Variants in RRP15 observed in about 807,000 individuals in gnomAD.
RRP15 encodes the protein ribosomal RNA processing 15 homolog.
In RRP15, 18 loss-of-function variants were observed where a neutral mutation model predicts 27.1. That is an observed-to-expected ratio of 0.66 (90% CI 0.46 to 0.98). RRP15 has a LOEUF of 0.98. Among genes scored for constraint, RRP15 ranks in the 50% least tolerant of loss-of-function variants. The pLI is 0.00. For synonymous variants in RRP15, 107 were observed against 109.4 expected (o/e 0.98, Z 0.14); for missense variants, 359 against 337.8 (o/e 1.06, Z -0.49).
At chr1:218,323,562 T>C (rs2102513734) in intron 4 of RRP15, among the ~76,000 whole-genome samples, 1 of 152,278 alleles carries the variant, frequency 6.6e-6, no homozygotes, top group South Asian at 2.1e-4. Context: ...GTCCCCAGGC[T>C]TCGGGCCCTC....
At chr1:218,285,543 T>C (rs917632283) in intron 1 of RRP15, 88 bp downstream of exon 1, 32 of 1,563,722 alleles carry the variant, frequency 2.0e-5, no homozygotes, top group African/African-American at 5.5e-5. Flanking sequence ...CATTTGCTGC[T>C]AGCCACCTGG....
At chr1:218,324,814 C>A (rs924680492) in intron 4 of RRP15, among the ~76,000 whole-genome samples, 1 of 151,998 alleles carries the variant, frequency 6.6e-6, no homozygotes, top group African/African-American at 2.4e-5. Context: ...TATATGTTTC[C>A]TTTCTATTTT....
At chr1:218,296,354 A>G (rs1655719316) in intron 1 of RRP15, among the ~76,000 whole-genome samples, 1 of 152,158 alleles carries the variant, frequency 6.6e-6, no homozygotes. Flanking sequence ...AAAGCAACTC[A>G]TAGAAATGTT....
At chr1:218,291,423 T>C (rs1016038336) in intron 1 of RRP15, among the ~76,000 whole-genome samples, 2 of 150,950 alleles carry the variant, frequency 1.3e-5, no homozygotes, top group African/African-American at 4.9e-5. Context: ...CCAGCCTGGC[T>C]GACAGAGTGA....
At chr1:218,291,289 C>G (rs891659946) in intron 1 of RRP15, among the ~76,000 whole-genome samples, 1 of 151,274 alleles carries the variant, frequency 6.6e-6, no homozygotes, top group African/African-American at 2.4e-5. Context: ...AAAAAATATA[C>G]AAAAAATTAG....
chr1:218,307,414 C>A lies in RRP15; in HGVS notation c.504-17C>A. The A allele has an allele frequency of 3.1e-6, 5 of 1,596,764 alleles. No individual in the cohort carries two copies. The South Asian group carries it at 5.6e-5, about 18-fold the overall frequency. On this transcript the variant is annotated splice_polypyrimidine_tract_variant and intron_variant, in intron 3 of 4. Coordinates refer to ENST00000366932, the MANE Select transcript of RRP15 (RefSeq NM_016052.4). ...TAATTATTTAATACATCATTCTGGT[C>A]ATTTTATATTCTACAGGGGTGTGGT...
rs1162115067 is a variant in RRP15 at position 218,291,496 on chromosome 1, GA to G, written c.139+6051del. Among the ~76,000 whole-genome samples the G allele has an allele frequency of 4.5e-3, 523 of 115,578 alleles. 2 individuals are homozygous for G. The highest frequency in any genetic ancestry group is 0.016 in the African/African-American group (496 of 31,888). 75.8% of individuals were successfully genotyped at this position (115,578 alleles called of 152,430 possible). ...CAAAACTCTGAGATTAAAGAAAAAG[GA>G]AAAAAAAAAGAAAGAAATCATTGAA... is the stretch of plus-strand genomic sequence containing the variant. On this transcript the variant is annotated intron_variant, in intron 1 of 4. Coordinates refer to ENST00000366932, the MANE Select transcript of RRP15 (RefSeq NM_016052.4).
rs1360241901 is a variant in RRP15 at position 218,333,952 on chromosome 1, C to T, written c.*2861C>T. 15 of 151,976 alleles carry T rather than the reference C, an allele frequency of 9.9e-5. No homozygotes were observed. 9.4% of individuals were successfully genotyped at this position (151,976 alleles called of 1,614,324 possible). A position where few individuals can be genotyped will look rare whatever the true frequency, so the allele number is the denominator to read the frequency against. ...AGAAAGAACTATGGAAAATAGGAACCAATAATTTGGAAGTATTATTTCCTT... is the reference window on the plus strand; with the variant it reads ...AGAAAGAACTATGGAAAATAGGAACTAATAATTTGGAAGTATTATTTCCTT... On this transcript the variant is annotated 3_prime_UTR_variant, in exon 5 of 5. Transcript: ENST00000366932.
chr1:218,319,775 A>G (rs1656157252), intron 4 of RRP15, among the ~76,000 whole-genome samples: 1 of 152,208 alleles, frequency 6.6e-6, no homozygotes, highest in African/African-American at 2.4e-5. Flanking sequence ...GCTTTTTAGC[A>G]AATTTGTGAT....
At chr1:218,301,915 C>A (rs190127821) in intron 1 of RRP15, 351 of 172,296 alleles carry the variant, frequency 2.0e-3, no homozygotes, top group African/African-American at 7.9e-3. Context: ...CTTCATTAGC[C>A]CCTTCCATTA....
intron 4 of RRP15, among the ~76,000 whole-genome samples, chr1:218,308,472 G>T (rs1202101510): frequency 6.6e-6 from 1 of 152,056 alleles, no homozygotes; most frequent in African/African-American, 2.4e-5. Flanking sequence ...AGCAAAATAT[G>T]TAGTTATATT....
At chr1:218,328,201 A>G (rs1656304732) in intron 4 of RRP15, among the ~76,000 whole-genome samples, 1 of 152,220 alleles carries the variant, frequency 6.6e-6, no homozygotes, top group African/African-American at 2.4e-5. Context: ...ACGTTGGACA[A>G]TTGAGTAAAA....
chr1:218,288,344 G>A lies in RRP15; in HGVS notation c.139+2889G>A, dbSNP rs575323663. ...CAGGCAACTTTCATGTGAGCTTATA[G>A]CACCATAGGTTTTGGGCATACTACA... On this transcript the variant is annotated intron_variant, in intron 1 of 4. Transcript: ENST00000366932. 5.3e-5 allele frequency among the ~76,000 whole-genome samples: 8 copies of A among 152,174 alleles called. No homozygotes were observed. In the East Asian group the frequency reaches 1.2e-3, roughly 22 times the overall value.
At chr1:218,316,406 T>C (rs1169660715) in intron 4 of RRP15, among the ~76,000 whole-genome samples, 1 of 152,216 alleles carries the variant, frequency 6.6e-6, no homozygotes, top group African/African-American at 2.4e-5. Flanking sequence ...AAATGCATTA[T>C]ATTAAGACAT....
At chr1:218,320,711 CAT>C (rs1269926386) in intron 4 of RRP15, among the ~76,000 whole-genome samples, 1 of 151,704 alleles carries the variant, frequency 6.6e-6, no homozygotes, top group African/African-American at 2.4e-5. Context: ...GCACACTCTT[CAT>C]AGCTCCTATC....
chr1:218,324,762 T>A (rs1474387779), intron 4 of RRP15, among the ~76,000 whole-genome samples: 1 of 152,246 alleles, frequency 6.6e-6, no homozygotes, highest in Non-Finnish European at 1.5e-5. Flanking sequence ...CTTATTCGTG[T>A]GAAAAAATTA....
At position 218,307,535 on chromosome 1, in the gene RRP15, C is replaced by G; in HGVS notation, c.608C>G (p.Ser203Ter). 1 of 1,613,722 alleles carries G rather than the reference C, an allele frequency of 6.2e-7. No homozygotes were observed. Among genetic ancestry groups the G allele is most frequent in the Non-Finnish European group, 8.5e-7 (1 of 1,179,714 alleles). ...ATGAGAAAGCGTGCTAAGTTGATAT[C>G]AACTGTTTCCAAGAAAGATTTCATC... ...SSMRKRAKLI[S>*]TVSKKDFISV... Residue 203 changes from serine (S) to a stop codon, truncating the protein, a stop_gained, in exon 4 of 5, where the codon TCA becomes TGA. Transcript: ENST00000366932. LOFTEE classifies it high-confidence loss of function.
At chr1:218,320,787 T>C (rs2102511923) in intron 4 of RRP15, among the ~76,000 whole-genome samples, 1 of 152,204 alleles carries the variant, frequency 6.6e-6, no homozygotes, top group Admixed American at 6.5e-5. Flanking sequence ...AAAAATTGAA[T>C]CCATAAAGTA....
At position 218,302,571 on chromosome 1, in the gene RRP15, C is replaced by G. The variant is rs750236952; in HGVS notation, c.405+12C>G. The G allele has an allele frequency of 1.9e-6, 3 of 1,608,152 alleles. No individual in the cohort carries two copies. Among genetic ancestry groups the G allele is most frequent in the Middle Eastern group, 1.8e-4 (1 of 5,688 alleles). On this transcript the variant is annotated intron_variant, in intron 2 of 4. Transcript: ENST00000366932. The stretch of plus-strand genomic sequence containing the variant: ...AGAAAATAAAACAGGTATGTTCCAC[C>G]AGTTCTCTTGTAGATTAGATTGTTT...
Sources: gnomAD v4.1 joint callset for allele counts (sites outside exome capture counted in the v4.1 genomes callset) on GRCh38, gnomAD v4.1.1 for gene constraint, MANE v1.5 for transcripts, NCBI Gene and HGNC (gene_info 2026-07-23, HGNC 2026-07-21) for gene names.